Variants in TMEM38B observed in about 807,000 individuals in gnomAD.
TMEM38B encodes trimeric intracellular cation channel type B.
TMEM38B carries 24 observed loss-of-function variants against 28.7 expected under a neutral mutation model. The ratio of observed to expected loss-of-function variants is 0.84; its 90% CI spans 0.61 to 1.18. The LOEUF (loss-of-function observed/expected upper bound fraction) is 1.18. TMEM38B is among the 50% of genes most tolerant of loss of function. TMEM38B has a pLI of 0.00. For synonymous variants in TMEM38B, 131 were observed against 127.7 expected, an observed-to-expected ratio of 1.03 and a Z score of -0.17; for missense variants, 380 against 350.9, an observed-to-expected ratio of 1.08 and a Z score of -0.66.
chr9:105,754,753 G>T (rs1237567112), intron 5 of TMEM38B, among the ~76,000 whole-genome samples: 1 of 152,072 alleles, frequency 6.6e-6, no homozygotes, highest in African/African-American at 2.4e-5. Context: ...AGCTAGCAGA[G>T]GACAAGAAAT....
chr9:105,696,238 ATGTTTTT>A (rs1391449802), intron 1 of TMEM38B, among the ~76,000 whole-genome samples: 1 of 152,198 alleles, frequency 6.6e-6, no homozygotes, highest in Non-Finnish European at 1.5e-5. Context: ...TTCTCACTAA[ATGTTTTT>A]TGTTTTGGAA....
At chr9:105,771,578 A>G (rs957694623) in intron 5 of TMEM38B, among the ~76,000 whole-genome samples, 1 of 152,198 alleles carries the variant, frequency 6.6e-6, no homozygotes, top group Non-Finnish European at 1.5e-5. Context: ...GAATTCTATT[A>G]TCTTTTATTT....
At chr9:105,723,991 A>G (rs542530935) in intron 4 of TMEM38B, among the ~76,000 whole-genome samples, 6 of 152,168 alleles carry the variant, frequency 3.9e-5, no homozygotes, top group Admixed American at 2.6e-4. Flanking sequence ...GTGTGCCACC[A>G]TGCCCAGCTA....
At chr9:105,738,884 ATTTTTATT>A (rs562758542) in intron 4 of TMEM38B, among the ~76,000 whole-genome samples, 6 of 151,630 alleles carry the variant, frequency 4.0e-5, no homozygotes, top group Non-Finnish European at 8.8e-5. Context: ...CACCCAGGTA[ATTTTTATT>A]TTTTATTTTT....
chr9:105,733,724 A>T (rs569729119), intron 4 of TMEM38B, among the ~76,000 whole-genome samples: 4 of 152,014 alleles, frequency 2.6e-5, no homozygotes, highest in African/African-American at 9.6e-5. Flanking sequence ...GAATTTATTC[A>T]CTTACTCTAG....
chr9:105,773,165 T>C (rs1036633787), intron 5 of TMEM38B, among the ~76,000 whole-genome samples: 1 of 152,204 alleles, frequency 6.6e-6, no homozygotes, highest in African/African-American at 2.4e-5. Context: ...GCCTAATTTC[T>C]TGAGTATATC....
At chr9:105,717,068 T>A (rs117726940) in intron 2 of TMEM38B, among the ~76,000 whole-genome samples, 1,756 of 152,248 alleles carry the variant, frequency 0.012, 14 homozygotes, top group Admixed American at 0.021. Flanking sequence ...GGGATTTTGG[T>A]TTTCCTGTCT....
chr9:105,751,571 G>A (rs1210722829), intron 5 of TMEM38B, among the ~76,000 whole-genome samples: 1 of 152,192 alleles, frequency 6.6e-6, no homozygotes, highest in Admixed American at 6.5e-5. Flanking sequence ...CTGAATCCAG[G>A]GAACCAAGCA....
intron 5 of TMEM38B, among the ~76,000 whole-genome samples, chr9:105,766,153 G>A (rs1826364950): frequency 1.3e-5 from 2 of 152,122 alleles, no homozygotes; most frequent in Non-Finnish European, 2.9e-5. Flanking sequence ...TAGGTCATCT[G>A]AAAAGCATAT....
At chr9:105,725,889 G>A (rs1288006816) in intron 4 of TMEM38B, among the ~76,000 whole-genome samples, 1 of 151,836 alleles carries the variant, frequency 6.6e-6, no homozygotes, top group Admixed American at 6.6e-5. Flanking sequence ...TGTACACTGA[G>A]GCAACACTAA....
At chr9:105,704,803 A>C (rs1323317506) in intron 1 of TMEM38B, among the ~76,000 whole-genome samples, 1 of 152,084 alleles carries the variant, frequency 6.6e-6, no homozygotes, top group Non-Finnish European at 1.5e-5. Flanking sequence ...AGGTGCCTGT[A>C]GTCACAGCTA....
At chr9:105,696,559 A>G (rs542654975) in intron 1 of TMEM38B, among the ~76,000 whole-genome samples, 200 of 152,380 alleles carry the variant, frequency 1.3e-3, no homozygotes, top group African/African-American at 4.6e-3. Context: ...AAATGAAAAC[A>G]TGAAGAACAA....
chr9:105,775,917 G>A lies in TMEM38B; in HGVS notation c.*1837G>A, dbSNP rs1826708783. The A allele has an allele frequency of 6.6e-6, 1 of 152,108 alleles. No homozygotes were observed. Among genetic ancestry groups the A allele is most frequent in the South Asian group, 2.1e-4 (1 of 4,830 alleles). 9.4% of individuals were successfully genotyped at this position (152,108 alleles called of 1,614,324 possible). ...ATATAGTATATATTCAGTGATTACT[G>A]TTCAAATGGGACATTGGTAGAAACT... On this transcript the variant is annotated 3_prime_UTR_variant, in exon 6 of 6. Coordinates refer to ENST00000374692, the MANE Select transcript of TMEM38B (RefSeq NM_018112.3).
chr9:105,709,232 G>A (rs569960067), intron 2 of TMEM38B, among the ~76,000 whole-genome samples: 1 of 152,184 alleles, frequency 6.6e-6, no homozygotes, highest in East Asian at 1.9e-4. Context: ...CCTAGTATGT[G>A]TTTGGTGAGG....
intron 5 of TMEM38B, among the ~76,000 whole-genome samples, chr9:105,768,138 T>A (rs978688303): frequency 6.6e-6 from 1 of 152,126 alleles, no homozygotes; most frequent in African/African-American, 2.4e-5. Flanking sequence ...TTATCATGAA[T>A]GGGTGTGGGA....
chr9:105,703,423 A>C (rs1170943614), intron 1 of TMEM38B, among the ~76,000 whole-genome samples: 4 of 152,208 alleles, frequency 2.6e-5, no homozygotes, highest in Non-Finnish European at 5.9e-5. Context: ...TATATGTGCC[A>C]CATTTTCTTA....
intron 4 of TMEM38B, among the ~76,000 whole-genome samples, chr9:105,733,306 G>A (rs993845605): frequency 1.3e-5 from 2 of 152,100 alleles, no homozygotes; most frequent in African/African-American, 2.4e-5. Flanking sequence ...GCCATCTCTT[G>A]ATGGACACCT....
chr9:105,742,069 A>G (rs1837226801), intron 4 of TMEM38B, among the ~76,000 whole-genome samples: 2 of 152,216 alleles, frequency 1.3e-5, no homozygotes, highest in Non-Finnish European at 2.9e-5. Flanking sequence ...GGAAATATTA[A>G]ATCAGAAGAA....
At chr9:105,762,307 G>A (rs1319252129) in intron 5 of TMEM38B, among the ~76,000 whole-genome samples, 1 of 151,126 alleles carries the variant, frequency 6.6e-6, no homozygotes, top group Non-Finnish European at 1.5e-5. Context: ...TGCACAATGT[G>A]CAGGTTAGTT....
Sources: gnomAD v4.1 joint callset for allele counts (sites outside exome capture counted in the v4.1 genomes callset) on GRCh38, gnomAD v4.1.1 for gene constraint, MANE v1.5 for transcripts, NCBI Gene and HGNC (gene_info 2026-07-23, HGNC 2026-07-21) for gene names.